The following TTLL2 variants were observed in gnomAD, a reference collection of about 807,000 sequenced individuals.
The protein encoded by TTLL2 is probable tubulin polyglutamylase TTLL2.
TTLL2 carries 10 observed loss-of-function variants against 7.5 expected under a neutral mutation model. The observed-to-expected ratio is 1.33, with a 90% CI of 0.82 to 2.25. TTLL2 has a LOEUF of 2.25. Among genes scored for constraint, TTLL2 ranks in the 30% most tolerant of loss-of-function variants. The pLI, the probability that TTLL2 is intolerant of heterozygous loss-of-function variation, is 0.00. For synonymous variants in TTLL2, 284 were observed against 280.3 expected (o/e 1.01, Z -0.13); for missense variants, 733 against 735.7 (o/e 1.00, Z 0.04).
chr6:167,341,555 AAGC>A lies in TTLL2; in HGVS notation c.1658_1660del (p.Ala553del), dbSNP rs1178084582. 6.2e-7 allele frequency: 1 copy of A among 1,614,188 alleles called. No homozygotes were observed. Among genetic ancestry groups the A allele is most frequent in the Non-Finnish European group, 8.5e-7 (1 of 1,180,042 alleles). On this transcript the variant is annotated inframe_deletion, in exon 3 of 3. Coordinates refer to ENST00000239587, the MANE Select transcript of TTLL2 (RefSeq NM_031949.5). ...GACCGTGGCAAAGCTCCAGATCCCC[AAGC>A]AGGCAACTTTGTTCTTGTTTTTCCT... is the stretch of plus-strand genomic sequence containing the variant.
chr6:167,326,853 T>A (rs1778853117), intron 1 of TTLL2, among the ~76,000 whole-genome samples: 2 of 152,098 alleles, frequency 1.3e-5, no homozygotes, highest in South Asian at 4.1e-4. Context: ...TGGTAGACAA[T>A]GTAAATCAAA....
At position 167,340,872 on chromosome 6, in the gene TTLL2, C is replaced by A. The variant is rs77767783; in HGVS notation, c.972C>A (p.Leu324=). The change falls in exon 3 of 3, where the codon CTC becomes CTA. Residue 324 remains leucine (L), a synonymous_variant. Transcript: ENST00000239587. ...TTGGTCATGGTTGTAAATGGACGCT[C>A]AGCAGATTTTTTTCCTACCTTCGTA... ...EVIGHGCKWT[L]SRFFSYLRSW... 1.5e-4 allele frequency: 239 copies of A among 1,614,134 alleles called. 1 individual carries two copies. In the African/African-American group the frequency reaches 1.9e-3, roughly 13 times the overall value.
At position 167,325,086 on chromosome 6, in the gene TTLL2, A is replaced by G. The variant is rs1342856054; in HGVS notation, c.-88A>G. On this transcript the variant is annotated 5_prime_UTR_variant, in exon 1 of 3. Coordinates refer to ENST00000239587, the MANE Select transcript of TTLL2 (RefSeq NM_031949.5). ...AGCAGACCCTGCATCATCAGCAACC[A>G]GTGCTCCCTCCAGCCTCCGCGCATT... 1.1e-5 allele frequency: 15 copies of G among 1,409,362 alleles called. No individual in the cohort carries two copies. In the African/African-American group the frequency reaches 2.0e-4, roughly 19 times the overall value. The allele number at this position is 1,409,362 out of a possible 1,614,324, so 87.3% of individuals were successfully genotyped here.
At chr6:167,330,259 A>G (rs1210033133) in intron 1 of TTLL2, among the ~76,000 whole-genome samples, 6 of 152,202 alleles carry the variant, frequency 3.9e-5, no homozygotes, top group Non-Finnish European at 7.3e-5. Flanking sequence ...CAATGTTTGA[A>G]ATAAAAACAA....
At chr6:167,339,548 C>T (rs1779040965) in intron 2 of TTLL2, among the ~76,000 whole-genome samples, 1 of 152,144 alleles carries the variant, frequency 6.6e-6, no homozygotes, top group African/African-American at 2.4e-5. Context: ...TGACCCAAGC[C>T]TCTATGCACC....
intron 1 of TTLL2, 145 bp from the exon 2 acceptor site, chr6:167,338,502 G>T: frequency 1.1e-6 from 1 of 918,458 alleles, no homozygotes; most frequent in Non-Finnish European, 1.5e-6. Context: ...TTGATAGCAT[G>T]GAACAATTTG....
In TTLL2 at chr6:167,327,020, A is replaced by C. The variant is rs1255391128; in HGVS notation, c.47+1800A>C. Among the ~76,000 whole-genome samples, 3 of 152,092 alleles carry C rather than the reference A, an allele frequency of 2.0e-5. No individual in the cohort carries two copies. In the East Asian group the frequency reaches 5.8e-4, roughly 29 times the overall value. On this transcript the variant is annotated intron_variant, in intron 1 of 2. Transcript: ENST00000239587. ...GGACCTTAATAAGTAAAGAGAAAAGAGTAGGTATTGGGGGAAAGAGGAAGG... is the reference window on the plus strand; with the variant it reads ...GGACCTTAATAAGTAAAGAGAAAAGCGTAGGTATTGGGGGAAAGAGGAAGG...
chr6:167,342,011 T>C lies in TTLL2; in HGVS notation c.*332T>C, dbSNP rs1269254224. On this transcript the variant is annotated 3_prime_UTR_variant, in exon 3 of 3. Coordinates refer to ENST00000239587, the MANE Select transcript of TTLL2 (RefSeq NM_031949.5). Reference sequence around the variant, plus strand: ...TTTAAAGAGGAGAAAAAGATTATTCTAATATTTTTAAAGGATTATTAGGTG... The same window carrying C: ...TTTAAAGAGGAGAAAAAGATTATTCCAATATTTTTAAAGGATTATTAGGTG... 11 of 200,562 alleles carry C rather than the reference T, an allele frequency of 5.5e-5. No homozygotes were observed. The East Asian group carries it at 1.3e-3, about 23-fold the overall frequency. 12.4% of individuals were successfully genotyped at this position (200,562 alleles called of 1,614,324 possible). A position where few individuals can be genotyped will look rare whatever the true frequency, so the allele number is the denominator to read the frequency against.
chr6:167,328,037 A>G (rs1416564284), intron 1 of TTLL2: 1 of 456,162 alleles, frequency 2.2e-6, no homozygotes, highest in Non-Finnish European at 4.4e-6. Context: ...GTGTTGAATC[A>G]CATGGTTTAA....
intron 1 of TTLL2, chr6:167,328,216 C>A: frequency 2.3e-6 from 1 of 439,562 alleles, no homozygotes; most frequent in Non-Finnish European, 4.6e-6. Flanking sequence ...GCTAAGGAGG[C>A]TGCCGTCCCT....
At chr6:167,329,185 G>A (rs188300616) in intron 1 of TTLL2, among the ~76,000 whole-genome samples, 12 of 152,206 alleles carry the variant, frequency 7.9e-5, no homozygotes, top group Non-Finnish European at 5.9e-5. Flanking sequence ...TCCCACCTCA[G>A]GAAGCTTTTG....
In TTLL2 at chr6:167,342,060, A is replaced by C. The variant is rs760333202; in HGVS notation, c.*381A>C. ...TGAAAACAGTACAAAAGAAGCCAGG[A>C]GTTAACTTTCTGTGTGTTTTTTTTT... On this transcript the variant is annotated 3_prime_UTR_variant, in exon 3 of 3. Coordinates refer to ENST00000239587, the MANE Select transcript of TTLL2 (RefSeq NM_031949.5). The C allele has an allele frequency of 2.4e-5, 4 of 164,392 alleles. No homozygotes were observed. Among genetic ancestry groups the C allele is most frequent in the Non-Finnish European group, 3.9e-5 (3 of 76,424 alleles). 10.2% of individuals were successfully genotyped at this position (164,392 alleles called of 1,614,324 possible).
rs1397914243 is a variant in TTLL2, at chr6:167,337,492, C to T, written c.48-1155C>T. On this transcript the variant is annotated intron_variant, in intron 1 of 2. Transcript: ENST00000239587. ...AAAGCCTATTCCAGGGGAGGCAGGG[C>T]TCAGGCCAGGGCGCGCCAACCTTCT... is the stretch of plus-strand genomic sequence containing the variant. Among the ~76,000 whole-genome samples, 7 of 152,196 alleles carry T rather than the reference C, an allele frequency of 4.6e-5. No homozygotes were observed. The East Asian group carries it at 1.3e-3, about 29-fold the overall frequency.
intron 1 of TTLL2, among the ~76,000 whole-genome samples, chr6:167,337,586 C>T (rs563863775): frequency 5.3e-5 from 8 of 152,196 alleles, no homozygotes; most frequent in Non-Finnish European, 1.2e-4. Context: ...AACATTCAGT[C>T]TGCAGTCTGG....
intron 1 of TTLL2, chr6:167,327,940 G>C: frequency 2.2e-6 from 1 of 453,626 alleles, no homozygotes; most frequent in South Asian, 1.6e-5. Flanking sequence ...TACAGCATCT[G>C]GTATCAAGGT....
intron 1 of TTLL2, among the ~76,000 whole-genome samples, chr6:167,334,497 C>T (rs1270799567): frequency 2.6e-5 from 4 of 152,028 alleles, no homozygotes; most frequent in Admixed American, 6.6e-5. Context: ...CCTGGGTATC[C>T]TTGTTGACTT....
rs1172672107 is a variant in TTLL2, at chr6:167,341,950, T to C, written c.*271T>C. On this transcript the variant is annotated 3_prime_UTR_variant, in exon 3 of 3. Coordinates refer to ENST00000239587, the MANE Select transcript of TTLL2 (RefSeq NM_031949.5). ...ATACCACACAGCCTCCCACCAGTAA[T>C]TGAATGTGCTACACTACGATTATGC... 1.2e-5 allele frequency: 5 copies of C among 415,606 alleles called. No individual in the cohort carries two copies. Among genetic ancestry groups the C allele is most frequent in the African/African-American group, 6.1e-5 (3 of 49,446 alleles). The allele number at this position is 415,606 out of a possible 1,614,324, so 25.7% of individuals were successfully genotyped here.
intron 1 of TTLL2, 21 bp downstream of exon 1, chr6:167,325,241 G>A (rs536215154): frequency 3.4e-5 from 52 of 1,540,928 alleles, no homozygotes; most frequent in East Asian, 2.7e-4. Context: ...GAGGCGACAC[G>A]TAGGATGGGA....
At chr6:167,336,874 C>G (rs1024850188) in intron 1 of TTLL2, among the ~76,000 whole-genome samples, 2 of 152,200 alleles carry the variant, frequency 1.3e-5, no homozygotes, top group Non-Finnish European at 2.9e-5. Context: ...GGAGGTGGAG[C>G]CATTTAACTG....
Sources: gnomAD v4.1 joint callset for allele counts (sites outside exome capture counted in the v4.1 genomes callset) on GRCh38, gnomAD v4.1.1 for gene constraint, MANE v1.5 for transcripts, NCBI Gene and HGNC (gene_info 2026-07-23, HGNC 2026-07-21) for gene names.